The following SOX5 variants were observed in gnomAD, a reference collection of about 807,000 sequenced individuals.
The protein encoded by SOX5 is transcription factor SOX-5.
A neutral mutation model predicts 92.0 loss-of-function variants in SOX5; 9 were observed. That is an observed-to-expected ratio of 0.10 (90% CI 0.06 to 0.17). SOX5 has a LOEUF of 0.17. SOX5 is among the 10% of genes least tolerant of loss of function. The pLI is 1.00. For missense variants in SOX5, 642 were observed against 944.5 expected (o/e 0.68, Z 4.20); for synonymous variants, 344 against 336.3 (o/e 1.02, Z -0.25).
intron 1 of SOX5, among the ~76,000 whole-genome samples, chr12:24,449,691 C>A (rs1941987015): frequency 6.6e-6 from 1 of 152,126 alleles, no homozygotes; most frequent in Non-Finnish European, 1.5e-5. Context: ...AAGATGACAT[C>A]CTGTTATCTG....
At position 24,070,972 on chromosome 12, in the gene SOX5, C is replaced by T. The variant is rs553676932; in HGVS notation, c.-2+142371G>A. ...AGGTTAGTTTTGTCTGGAACAAATA[C>T]GTTTGAACCTTATATGCCAAACATT... On this transcript the variant is annotated intron_variant, in intron 4 of 4. Coordinates refer to the SOX5 transcript ENST00000446891. Among the ~76,000 whole-genome samples, 7 of 152,220 alleles carry T rather than the reference C, an allele frequency of 4.6e-5. No homozygotes were observed. The East Asian group carries it at 9.7e-4, about 21-fold the overall frequency.
chr12:24,106,264 C>CA (rs1946655269), intron 4 of SOX5, among the ~76,000 whole-genome samples: 1 of 150,890 alleles, frequency 6.6e-6, no homozygotes, highest in Non-Finnish European at 1.5e-5. Flanking sequence ...TCAAAATGGG[C>CA]AAAATATTTA....
chr12:24,281,058 G>A (rs2140413299), intron 2 of SOX5, among the ~76,000 whole-genome samples: 1 of 150,026 alleles, frequency 6.7e-6, no homozygotes, highest in Non-Finnish European at 1.5e-5. Context: ...TTTCTCCTAG[G>A]AAAATATCAC....
intron 4 of SOX5, among the ~76,000 whole-genome samples, chr12:23,956,579 T>C (rs1021846229): frequency 3.3e-5 from 5 of 151,980 alleles, no homozygotes; most frequent in East Asian, 1.9e-4. Flanking sequence ...CATGGAAAAA[T>C]TGTCTTTCAT....
intron 11 of SOX5, among the ~76,000 whole-genome samples, chr12:23,557,112 G>A: frequency 6.6e-6 from 1 of 152,154 alleles, no homozygotes; most frequent in Non-Finnish European, 1.5e-5. Flanking sequence ...TTGGACAATG[G>A]CAGGAAAGAG....
At chr12:24,267,034 C>T (rs570239463) in intron 3 of SOX5, among the ~76,000 whole-genome samples, 18 of 152,194 alleles carry the variant, frequency 1.2e-4, no homozygotes, top group Middle Eastern at 3.4e-3. Context: ...AAAATTGTAA[C>T]GTTTTTCTAA....
chr12:23,605,603 C>T (rs1294053672), intron 8 of SOX5, among the ~76,000 whole-genome samples: 4 of 151,660 alleles, frequency 2.6e-5, no homozygotes, highest in African/African-American at 7.3e-5. Flanking sequence ...AAAAAATGCT[C>T]TCAAGGAGAA....
intron 3 of SOX5, among the ~76,000 whole-genome samples, chr12:23,773,985 T>TA (rs112397774): frequency 0.095 from 14,474 of 151,970 alleles, 797 homozygotes; most frequent in African/African-American, 0.14. Flanking sequence ...CAAGCAGATG[T>TA]AGGCAAGGTA....
chr12:24,120,976 C>T (rs1267025052), intron 4 of SOX5, among the ~76,000 whole-genome samples: 1 of 152,136 alleles, frequency 6.6e-6, no homozygotes, highest in Non-Finnish European at 1.5e-5. Context: ...TTCCCATGGT[C>T]CTTACTCCCT....
intron 11 of SOX5, among the ~76,000 whole-genome samples, chr12:23,554,661 A>G (rs965673795): frequency 2.0e-5 from 3 of 152,196 alleles, no homozygotes; most frequent in African/African-American, 7.2e-5. Flanking sequence ...AAATATCAAT[A>G]GCTGTTATAC....
chr12:24,396,571 A>G (rs1030062293), intron 1 of SOX5, among the ~76,000 whole-genome samples: 4 of 152,240 alleles, frequency 2.6e-5, no homozygotes, highest in Admixed American at 2.0e-4. Flanking sequence ...AGCTCCTGCC[A>G]GCTCCTGCCT....
At chr12:24,352,598 TCAG>T in intron 2 of SOX5, among the ~76,000 whole-genome samples, 2 of 152,228 alleles carry the variant, frequency 1.3e-5, no homozygotes, top group Non-Finnish European at 2.9e-5. Flanking sequence ...GTTATTTTAC[TCAG>T]GCACTGATTG....
chr12:23,892,173 T>A (rs562510124), intron 2 of SOX5, among the ~76,000 whole-genome samples: 1 of 152,274 alleles, frequency 6.6e-6, no homozygotes, highest in South Asian at 2.1e-4. Flanking sequence ...ATGGATGAAA[T>A]AATAATGCAG....
At chr12:23,930,854 T>A (rs1024477488) in intron 1 of SOX5, among the ~76,000 whole-genome samples, 4 of 151,646 alleles carry the variant, frequency 2.6e-5, no homozygotes, top group African/African-American at 9.7e-5. Context: ...GGAAAATGTA[T>A]CATTCTTTGC....
At chr12:23,749,625 AG>A (rs1168780570) in intron 4 of SOX5, among the ~76,000 whole-genome samples, 2 of 151,890 alleles carry the variant, frequency 1.3e-5, no homozygotes, top group Admixed American at 1.3e-4. Context: ...AGTGAGTGAA[AG>A]GGTTATTCTT....
intron 6 of SOX5, among the ~76,000 whole-genome samples, chr12:23,701,966 G>T (rs927430409): frequency 2.6e-5 from 4 of 152,012 alleles, no homozygotes; most frequent in Admixed American, 2.6e-4. Context: ...AGGCTAAAAT[G>T]AACACTACCC....
intron 1 of SOX5, among the ~76,000 whole-genome samples, chr12:24,492,695 A>T (rs966658384): frequency 2.0e-5 from 3 of 152,202 alleles, no homozygotes; most frequent in African/African-American, 7.2e-5. Flanking sequence ...ATTACTTCTT[A>T]GAGTCTACAA....
At chr12:23,934,027 G>A (rs1941997393) in intron 1 of SOX5, among the ~76,000 whole-genome samples, 1 of 151,422 alleles carries the variant, frequency 6.6e-6, no homozygotes. Context: ...TTATAGAAAT[G>A]CCTCCTTCCA....
intron 2 of SOX5, among the ~76,000 whole-genome samples, chr12:24,366,538 G>T (rs1956187845): frequency 6.6e-6 from 1 of 152,158 alleles, no homozygotes. Flanking sequence ...GAGATGGAGA[G>T]AAATTGAATT....
Sources: gnomAD v4.1 joint callset for allele counts (sites outside exome capture counted in the v4.1 genomes callset) on GRCh38, gnomAD v4.1.1 for gene constraint, MANE v1.5 for transcripts, NCBI Gene and HGNC (gene_info 2026-07-23, HGNC 2026-07-21) for gene names.